RAD54L2: variants seen among roughly 807,000 people sequenced by gnomAD.
The protein encoded by RAD54L2 is RAD54 like 2.
RAD54L2 carries 27 observed loss-of-function variants against 138.4 expected under a neutral mutation model. The observed-to-expected ratio is 0.20, with a 90% CI of 0.14 to 0.27. The LOEUF (loss-of-function observed/expected upper bound fraction) is 0.27, where lower values mean the gene tolerates loss of function less well. Ranked by LOEUF, RAD54L2 falls within the 10% of genes least tolerant of loss-of-function variation. The probability of loss-of-function intolerance (pLI) is 1.00; values close to 1 mark genes in which losing one functional copy is unlikely to be tolerated. For synonymous variants in RAD54L2, 644 were observed against 723.2 expected (o/e 0.89, Z 1.76); for missense variants, 1,396 against 1,890.2 (o/e 0.74, Z 4.85).
intron 2 of RAD54L2, among the ~76,000 whole-genome samples, chr3:51,588,662 A>T (rs1369343598): frequency 6.6e-6 from 1 of 152,058 alleles, no homozygotes; most frequent in Non-Finnish European, 1.5e-5. Context: ...CCAACTAGCC[A>T]TCTCTTTACC....
At chr3:51,624,394 C>T (rs1189124960) in intron 3 of RAD54L2, among the ~76,000 whole-genome samples, 2 of 151,946 alleles carry the variant, frequency 1.3e-5, no homozygotes, top group Admixed American at 6.6e-5. Context: ...AAGTGCATGA[C>T]ACCATGCTCA....
Position 51,662,619 on chromosome 3 carries a change from C to G in RAD54L2, c.3603C>G (p.Ala1201=). The G allele has an allele frequency of 6.2e-7, 1 of 1,612,608 alleles. No individual in the cohort carries two copies. The highest frequency in any genetic ancestry group is 8.5e-7 in the Non-Finnish European group (1 of 1,179,268). ...SRQSSPSTNA[A]LPGPPAQLMD... ...AGAGCTCCCCAAGCACCAATGCCGC[C>G]CTGCCTGGCCCCCCGGCCCAACTTA... Residue 1201 remains alanine, a synonymous_variant, in exon 23 of 23, where the codon GCC becomes GCG. Coordinates refer to ENST00000684192, the MANE Select transcript of RAD54L2 (RefSeq NM_015106.4). The surrounding 1 kb of genome is among the most constrained non-coding windows in gnomAD (Gnocchi z 4.6).
chr3:51,602,362 T>G (rs949596878), intron 3 of RAD54L2, among the ~76,000 whole-genome samples: 1 of 152,188 alleles, frequency 6.6e-6, no homozygotes, highest in Non-Finnish European at 1.5e-5. Flanking sequence ...AGATCTCCCT[T>G]TAGATGAACC....
At position 51,590,417 on chromosome 3, in the gene RAD54L2, A is replaced by G. The variant is rs1699814554; in HGVS notation, c.-4A>G. 6.5e-7 allele frequency: 1 copy of G among 1,531,148 alleles called. No homozygotes were observed. The allele number at this position is 1,531,148 out of a possible 1,614,324, so 94.8% of individuals were successfully genotyped here. On this transcript the variant is annotated 5_prime_UTR_variant, in exon 3 of 23. Transcript: ENST00000684192. ...GTAATGCCCACTGAGGACCTCTGGG[A>G]GCCATGTCAGACGAATCTGCCTCAG... is the stretch of plus-strand genomic sequence containing the variant.
At chr3:51,653,952 A>G (rs1026474698) in intron 19 of RAD54L2, among the ~76,000 whole-genome samples, 2 of 152,200 alleles carry the variant, frequency 1.3e-5, no homozygotes, top group Non-Finnish European at 2.9e-5. Flanking sequence ...CAAACAAAAA[A>G]ACTTGACAAA....
chr3:51,663,239 A>T lies in RAD54L2; in HGVS notation c.4223A>T (p.Asn1408Ile). The change falls in exon 23 of 23, where the codon AAC becomes ATC. Residue 1408 changes from asparagine (N) to isoleucine (I), a missense_variant. Asn to Ile is a moderately radical substitution (Grantham distance 149, BLOSUM62 -3). Around this residue, in one of 7 missense-constraint regions of RAD54L2, gnomAD observed 634 missense variants for 711.2 expected, o/e 0.89. Coordinates refer to ENST00000684192, the MANE Select transcript of RAD54L2 (RefSeq NM_015106.4). ...APFPSPVLPS[N>I]LSRGMSIYPG... ...TTTCCTTCCCCTGTCTTGCCCAGCA[A>T]CCTTTCGCGGGGCATGTCTATCTAT... The T allele has an allele frequency of 1.9e-6, 3 of 1,613,362 alleles. No individual in the cohort carries two copies. Among genetic ancestry groups the T allele is most frequent in the Non-Finnish European group, 2.5e-6 (3 of 1,179,752 alleles).
chr3:51,566,343 C>G (rs1699215828), intron 2 of RAD54L2, among the ~76,000 whole-genome samples: 1 of 151,762 alleles, frequency 6.6e-6, no homozygotes, highest in African/African-American at 2.4e-5. Context: ...CCCAGTCATA[C>G]TGTGTGGGGC....
In RAD54L2 at chr3:51,641,777, G is replaced by T; in HGVS notation, c.2260G>T (p.Glu754Ter). 6.3e-7 allele frequency: 1 copy of T among 1,596,506 alleles called. No individual in the cohort carries two copies. The highest frequency in any genetic ancestry group is 8.5e-7 in the Non-Finnish European group (1 of 1,171,070). The part of the protein sequence containing the change: ...SQSLSTLALI[E>*]EFLGKREVPC... ...GAGTCTTTCCACCTTGGCTCTCATC[G>T]AGGAATTCCTTGGAAAACGAGAAGT... The change falls in exon 15 of 23, where the codon GAG becomes TAG. Residue 754 changes from glutamate to a stop codon, truncating the protein, a stop_gained. Transcript: ENST00000684192. LOFTEE classifies it high-confidence loss of function.
intron 9 of RAD54L2, 52 bp from the exon 10 acceptor site, chr3:51,635,541 A>G: frequency 7.2e-6 from 11 of 1,524,264 alleles, no homozygotes; most frequent in Non-Finnish European, 9.7e-6. Context: ...AGAAACAATA[A>G]TTCTTGAGAT....
At chr3:51,553,370 C>T (rs748288537) in intron 2 of RAD54L2, among the ~76,000 whole-genome samples, 1 of 152,212 alleles carries the variant, frequency 6.6e-6, no homozygotes, top group Non-Finnish European at 1.5e-5. Context: ...GCCACTGCAC[C>T]CAGCTTAACT....
Position 51,545,187 on chromosome 3 carries a change from TTTG to T in RAD54L2, c.-55+3549_-55+3551del, listed in dbSNP as rs1206449663. Among the ~76,000 whole-genome samples, 8 of 149,826 alleles carry T rather than the reference TTTG, an allele frequency of 5.3e-5. No individual in the cohort carries two copies. The South Asian group carries it at 1.1e-3, about 20-fold the overall frequency. On this transcript the variant is annotated intron_variant, in intron 2 of 22. Coordinates refer to ENST00000684192, the MANE Select transcript of RAD54L2 (RefSeq NM_015106.4). ...TATTTAGTTACCCTCCTGGATCTTT[TTTG>T]TTGTTGTTGTTTTGTTTTTGAGACG...
chr3:51,604,868 G>A (rs1700145840), intron 3 of RAD54L2, among the ~76,000 whole-genome samples: 2 of 152,158 alleles, frequency 1.3e-5, no homozygotes, highest in Non-Finnish European at 2.9e-5. Context: ...TGAAGGGAAG[G>A]TGGTTAAGTA....
intron 3 of RAD54L2, among the ~76,000 whole-genome samples, chr3:51,626,434 A>ATTTTTTT (rs1302087610): frequency 8.1e-5 from 1 of 12,292 alleles, no homozygotes; most frequent in Non-Finnish European, 1.6e-4. Context: ...ACCCCCAACG[A>ATTTTTTT]TCTTTTTTTT....
chr3:51,595,710 C>T (rs1352980700), intron 3 of RAD54L2, among the ~76,000 whole-genome samples: 1 of 152,020 alleles, frequency 6.6e-6, no homozygotes, highest in East Asian at 1.9e-4. Flanking sequence ...GTTAAAGGAC[C>T]CATGACATGT....
At chr3:51,582,211 A>G (rs1699622176) in intron 2 of RAD54L2, among the ~76,000 whole-genome samples, 1 of 152,154 alleles carries the variant, frequency 6.6e-6, no homozygotes, top group Non-Finnish European at 1.5e-5. Context: ...CCTGGCCAGT[A>G]ATCACCAGCT....
Position 51,666,611 on chromosome 3 carries a change from A to G in RAD54L2, c.*3191A>G, listed in dbSNP as rs1050739449. ...TGATGCTTGATTTCCTTTTCTTAAT[A>G]TATTTGTAGATAAAAATTGAACAGG... On this transcript the variant is annotated 3_prime_UTR_variant, in exon 23 of 23. Coordinates refer to ENST00000684192, the MANE Select transcript of RAD54L2 (RefSeq NM_015106.4). 3 of 152,204 alleles carry G rather than the reference A, an allele frequency of 2.0e-5. No individual in the cohort carries two copies. The highest frequency in any genetic ancestry group is 4.4e-5 in the Non-Finnish European group (3 of 68,042). The allele number at this position is 152,204 out of a possible 1,614,324, so 9.4% of individuals were successfully genotyped here. A position where few individuals can be genotyped will look rare whatever the true frequency, so the allele number is the denominator to read the frequency against.
chr3:51,579,893 C>A (rs910644393), intron 2 of RAD54L2, among the ~76,000 whole-genome samples: 11 of 152,110 alleles, frequency 7.2e-5, no homozygotes, highest in African/African-American at 2.7e-4. Context: ...AAACTTTTTA[C>A]CCTTATTTGC....
At chr3:51,659,098 G>GTTTTTTTTT (rs1014568687) in intron 21 of RAD54L2, among the ~76,000 whole-genome samples, 2 of 75,046 alleles carry the variant, frequency 2.7e-5, no homozygotes, top group African/African-American at 5.6e-5. Flanking sequence ...TCCGGCTCTT[G>GTTTTTTTTT]TTTTTTTTTT....
intron 2 of RAD54L2, among the ~76,000 whole-genome samples, chr3:51,580,538 T>C (rs1699583917): frequency 6.6e-6 from 1 of 152,160 alleles, no homozygotes; most frequent in Non-Finnish European, 1.5e-5. Flanking sequence ...TTCTAGGTCT[T>C]TCCAGTCCCA....
Sources: allele counts gnomAD v4.1 joint callset (sites outside exome capture counted in the v4.1 genomes callset), GRCh38; gene constraint gnomAD v4.1.1; regional missense constraint gnomAD v4.1.1; non-coding constraint Gnocchi (gnomAD v3.1); transcripts MANE v1.5; gene names NCBI Gene and HGNC (gene_info 2026-07-23, HGNC 2026-07-21).